Variants in NVL observed in about 807,000 individuals in gnomAD.
NVL encodes the protein nuclear VCP like.
Under a neutral mutation model 110.2 loss-of-function variants are expected in NVL, and 84 were observed. The ratio of observed to expected loss-of-function variants is 0.76; its 90% CI spans 0.64 to 0.91. The LOEUF is 0.91. NVL is among the 40% of genes least tolerant of loss of function. The pLI is 0.00. For synonymous variants in NVL, 354 were observed against 361.1 expected (o/e 0.98, Z 0.22); for missense variants, 882 against 1,035.9 (o/e 0.85, Z 2.04).
At chr1:224,326,369 T>C (rs551842560) in intron 2 of NVL, 22 bp downstream of exon 2, 123 of 1,556,702 alleles carry the variant, frequency 7.9e-5, no homozygotes, top group Admixed American at 6.5e-4. Context: ...AATCCAAGGA[T>C]CCGGAAACTA....
In NVL at chr1:224,260,678, G is replaced by T. The variant is rs961840316; in HGVS notation, c.2182+7356C>A. Among the ~76,000 whole-genome samples the T allele has an allele frequency of 3.2e-3, 469 of 148,778 alleles. 1 individual carries two copies. The highest frequency in any genetic ancestry group is 0.011 in the African/African-American group (434 of 40,356). On this transcript the variant is annotated intron_variant, in intron 18 of 22. Transcript: ENST00000281701. ...AAGCTTGCACATCTAATCATAATTT[G>T]CTTATTTATTTCTTCTTTTCCTTTT...
chr1:224,248,308 C>T (rs961237988), intron 19 of NVL, among the ~76,000 whole-genome samples: 5 of 152,106 alleles, frequency 3.3e-5, no homozygotes, highest in East Asian at 1.9e-4. Context: ...TGCCTTAGTT[C>T]GTTATTTTTT....
chr1:224,248,155 T>C (rs1411422007), intron 19 of NVL, among the ~76,000 whole-genome samples: 1 of 152,192 alleles, frequency 6.6e-6, no homozygotes, highest in Non-Finnish European at 1.5e-5. Context: ...CCTCTAATCC[T>C]GGTAGATGCC....
chr1:224,271,715 T>TA (rs2102836351), intron 17 of NVL, among the ~76,000 whole-genome samples: 1 of 152,214 alleles, frequency 6.6e-6, no homozygotes, highest in African/African-American at 2.4e-5. Context: ...CTAGTGCAAT[T>TA]AAAAAAGAAT....
At chr1:224,298,947 C>A in intron 10 of NVL, among the ~76,000 whole-genome samples, 1 of 151,116 alleles carries the variant, frequency 6.6e-6, no homozygotes, top group East Asian at 1.9e-4. Context: ...TATATTTTAC[C>A]ACAAAAAAGA....
intron 14 of NVL, 85 bp from the exon 15 acceptor site, chr1:224,286,215 G>GTT (rs759032246): frequency 7.2e-3 from 5,191 of 723,462 alleles, no homozygotes; most frequent in Non-Finnish European, 8.0e-3. Context: ...ATATTTTATG[G>GTT]TTTTTTTTTT....
chr1:224,281,092 C>T (rs1268380482), intron 16 of NVL, 31 bp downstream of exon 16: 1 of 1,579,178 alleles, frequency 6.3e-7, no homozygotes, highest in East Asian at 2.2e-5. Context: ...TTTTTCTAAT[C>T]TAAAATAATG....
chr1:224,314,997 G>C (rs989419589), intron 4 of NVL, among the ~76,000 whole-genome samples: 2 of 151,672 alleles, frequency 1.3e-5, no homozygotes, highest in Non-Finnish European at 2.9e-5. Flanking sequence ...GGCGACAAGA[G>C]TGAGACTCCA....
Position 224,299,844 on chromosome 1 carries a change from T to C in NVL, c.1062+718A>G, listed in dbSNP as rs192513099. On this transcript the variant is annotated intron_variant, in intron 10 of 22. Coordinates refer to ENST00000281701, the MANE Select transcript of NVL (RefSeq NM_002533.4). ...CTTGTTATTTAAAATGTTTTTTTTT[T>C]CTCAATTACTGCTTAAATATAATTT... Among the ~76,000 whole-genome samples, 9 of 152,032 alleles carry C rather than the reference T, an allele frequency of 5.9e-5. No homozygotes were observed. The East Asian group carries it at 1.7e-3, about 29-fold the overall frequency.
chr1:224,289,498 T>C lies in NVL; in HGVS notation c.1561A>G (p.Thr521Ala), dbSNP rs201616896. ...VQEERLGTEP[T>A]SETQDELQRL... ...AGAGAAAGCACCTGTGTTTCAGAAG[T>C]GGGCTCAGTTCCCAGCCTTTCCTCC... Residue 521 changes from threonine (T) to alanine (A), a missense_variant, in exon 13 of 23, where the codon ACT (threonine) becomes GCT (alanine). Physicochemically the swap from Thr to Ala is moderately conservative, Grantham distance 58. Around this residue, in one of 4 missense-constraint regions of NVL, gnomAD observed 416 missense variants for 499.3 expected, o/e 0.83. Transcript: ENST00000281701. The C allele has an allele frequency of 6.2e-4, 1,000 of 1,614,028 alleles. 5 individuals are homozygous for C. Among genetic ancestry groups the C allele is most frequent in the Non-Finnish European group, 1.6e-4 (193 of 1,180,012 alleles).
intron 15 of NVL, among the ~76,000 whole-genome samples, chr1:224,282,571 A>T (rs1261363966): frequency 6.6e-6 from 1 of 152,236 alleles, no homozygotes; most frequent in East Asian, 1.9e-4. Flanking sequence ...AAGAATTACA[A>T]TCTGAATGCA....
At chr1:224,257,225 C>A (rs536421138) in intron 18 of NVL, 1 of 438,992 alleles carries the variant, frequency 2.3e-6, no homozygotes, top group Non-Finnish European at 4.5e-6. Context: ...GAGATGGTTG[C>A]CTGAAAAAGA....
Position 224,303,788 on chromosome 1 carries a change from G to A in NVL, c.895C>T (p.Arg299Cys), listed in dbSNP as rs769102708. The A allele has an allele frequency of 3.1e-6, 5 of 1,613,596 alleles. No homozygotes were observed. The highest frequency in any genetic ancestry group is 1.3e-5 in the African/African-American group (1 of 74,920). ...GGTGGTCCATGAAGGAGAACTCCAC[G>A]AGGGGGCACGACGCCCAGGTGGTGG... ...VYHHLGVVPPRGVLLHGPPGC... is the reference protein window; with the variant it reads ...VYHHLGVVPPCGVLLHGPPGC... Residue 299 changes from arginine to cysteine, a missense_variant, in exon 9 of 23, where the codon CGT becomes TGT. Arg to Cys is a radical substitution (Grantham distance 180). This residue lies in a region of NVL where 416 missense variants were observed against 499.3 expected (regional missense o/e 0.83). Coordinates refer to ENST00000281701, the MANE Select transcript of NVL (RefSeq NM_002533.4).
intron 19 of NVL, among the ~76,000 whole-genome samples, chr1:224,240,824 C>A (rs1490439481): frequency 6.9e-6 from 1 of 145,916 alleles, no homozygotes; most frequent in Non-Finnish European, 1.5e-5. Flanking sequence ...AGAGTCTCGC[C>A]CTGTGGCCCA....
intron 20 of NVL, among the ~76,000 whole-genome samples, chr1:224,233,928 G>A (rs561418483): frequency 2.0e-5 from 3 of 152,266 alleles, no homozygotes; most frequent in South Asian, 2.1e-4. Context: ...AGTGGGTCAT[G>A]CCTGTAATTC....
chr1:224,233,117 G>T (rs1660078157), intron 21 of NVL, 84 bp downstream of exon 21: 1 of 1,121,754 alleles, frequency 8.9e-7, no homozygotes, highest in Admixed American at 2.1e-5. Flanking sequence ...ATAGATAATA[G>T]ACACTAGAAA....
Position 224,320,980 on chromosome 1 carries a change from G to A in NVL, c.132-3050C>T, listed in dbSNP as rs992745600. ...AAAAAGGCAACTTGGGGCCTGGCACGGTGGCTCATGCCTGGAATCCTAGCA... is the reference window on the plus strand; with the variant it reads ...AAAAAGGCAACTTGGGGCCTGGCACAGTGGCTCATGCCTGGAATCCTAGCA... On this transcript the variant is annotated intron_variant, in intron 2 of 22. Coordinates refer to ENST00000281701, the MANE Select transcript of NVL (RefSeq NM_002533.4). Among the ~76,000 whole-genome samples, 4 of 152,200 alleles carry A rather than the reference G, an allele frequency of 2.6e-5. No homozygotes were observed. The East Asian group carries it at 5.8e-4, about 22-fold the overall frequency.
intron 18 of NVL, among the ~76,000 whole-genome samples, chr1:224,258,059 T>G (rs1663495944): frequency 6.6e-6 from 1 of 152,130 alleles, no homozygotes; most frequent in Admixed American, 6.6e-5. Context: ...ACACATAAAT[T>G]GGAATTTATC....
rs766682727 is a variant in NVL at position 224,308,090 on chromosome 1, T to C, written c.516A>G (p.Gly172=). Residue 172 remains glycine (G), a synonymous_variant, in exon 6 of 23, where the codon GGA becomes GGG. Coordinates refer to ENST00000281701, the MANE Select transcript of NVL (RefSeq NM_002533.4). ...LKTPAKDSEG[G]WFIDKTPSVK... is the part of the protein sequence containing the mutation. ...CACTTGGGGTTTTGTCAATAAACCA[T>C]CCTCCTTCAGAATCTTTGGCAGGGG... 11 of 1,612,134 alleles carry C rather than the reference T, an allele frequency of 6.8e-6. No homozygotes were observed. The highest frequency in any genetic ancestry group is 1.7e-5 in the Admixed American group (1 of 59,500).
Sources: gnomAD v4.1 joint callset for allele counts (sites outside exome capture counted in the v4.1 genomes callset) on GRCh38, gnomAD v4.1.1 for gene constraint, gnomAD v4.1.1 regional missense constraint, MANE v1.5 for transcripts, NCBI Gene and HGNC (gene_info 2026-07-23, HGNC 2026-07-21) for gene names.